Variants in RPL22 observed in about 807,000 individuals in gnomAD.
The protein encoded by RPL22 is ribosomal protein L22.
A neutral mutation model predicts 16.2 loss-of-function variants in RPL22; 4 were observed. That is an observed-to-expected ratio of 0.25 (90% CI 0.12 to 0.57). RPL22 has a LOEUF of 0.57. Ranked by LOEUF, RPL22 falls within the 20% of genes least tolerant of loss-of-function variation. The probability of loss-of-function intolerance (pLI) is 0.92; values close to 1 mark genes in which losing one functional copy is unlikely to be tolerated. For synonymous variants in RPL22, 43 were observed against 54.8 expected, an observed-to-expected ratio of 0.78 and a Z score of 0.95; for missense variants, 83 against 156.1, an observed-to-expected ratio of 0.53 and a Z score of 2.49.
rs1667573887 is a variant in RPL22, at chr1:6,185,626, T to C, written c.*1046A>G. ...GAATTTTAGACACCGTAAATTCTAA[T>C]GCAGACACTTTTGCATTACTGTTTG... On this transcript the variant is annotated 3_prime_UTR_variant, in exon 4 of 4. Coordinates refer to ENST00000234875, the MANE Select transcript of RPL22 (RefSeq NM_000983.4). 1.9e-5 allele frequency: 7 copies of C among 359,462 alleles called. No homozygotes were observed. In the Middle Eastern group the frequency reaches 2.1e-3, roughly 110 times the overall value. 22.3% of individuals were successfully genotyped at this position (359,462 alleles called of 1,614,324 possible). A position where few individuals can be genotyped will look rare whatever the true frequency, so the allele number is the denominator to read the frequency against.
At position 6,186,824 on chromosome 1, in the gene RPL22, G is replaced by C; in HGVS notation, c.243-8C>G. 1 of 1,613,132 alleles carries C rather than the reference G, an allele frequency of 6.2e-7. No homozygotes were observed. Among genetic ancestry groups the C allele is most frequent in the Non-Finnish European group, 8.5e-7 (1 of 1,179,680 alleles). On this transcript the variant is annotated splice_region_variant and splice_polypyrimidine_tract_variant and intron_variant, in intron 3 of 3. Transcript: ENST00000234875. Reference sequence around the variant, plus strand: ...GTGAGATATTTCAAATACCTGCAGAGAAAGGACACAAGAACTCCACTAGAC... The same window carrying C: ...GTGAGATATTTCAAATACCTGCAGACAAAGGACACAAGAACTCCACTAGAC...
intron 2 of RPL22, among the ~76,000 whole-genome samples, chr1:6,194,241 A>C (rs1013018237): frequency 1.3e-5 from 2 of 152,222 alleles, no homozygotes; most frequent in Non-Finnish European, 2.9e-5. Flanking sequence ...TACAAGGTAC[A>C]TGCAACCAAA....
intron 3 of RPL22, among the ~76,000 whole-genome samples, chr1:6,191,317 G>A (rs1248923218): frequency 2.3e-5 from 3 of 132,334 alleles, no homozygotes; most frequent in Admixed American, 1.8e-4. Flanking sequence ...CCAAGATCAC[G>A]CCACTGCACT....
intron 3 of RPL22, among the ~76,000 whole-genome samples, chr1:6,191,561 G>C (rs1369370180): frequency 6.6e-6 from 1 of 150,580 alleles, no homozygotes; most frequent in Non-Finnish European, 1.5e-5. Context: ...TGTAGTCCCA[G>C]CTACTCGGGA....
chr1:6,198,629 C>T (rs1667751059), intron 1 of RPL22: 1 of 152,236 alleles, frequency 6.6e-6, no homozygotes. Flanking sequence ...AGAACTTCAT[C>T]TAAAACTTGT....
rs796081884 is a variant in RPL22 at position 6,187,613 on chromosome 1, C to CAAAA, written c.243-801_243-798dup. On this transcript the variant is annotated intron_variant, in intron 3 of 3. Transcript: ENST00000234875. The stretch of plus-strand genomic sequence containing the variant: ...TGGGCGACAGAGCAAGACTCCATCT[C>CAAAA]AAAAAAAAAAAAACAAAAAAAAAAA... Among the ~76,000 whole-genome samples, 252 of 72,658 alleles carry CAAAA rather than the reference C, an allele frequency of 3.5e-3. 3 individuals are homozygous for CAAAA. The highest frequency in any genetic ancestry group is 9.3e-3 in the African/African-American group (242 of 25,988). 47.7% of individuals were successfully genotyped at this position (72,658 alleles called of 152,430 possible). A position where few individuals can be genotyped will look rare whatever the true frequency, so the allele number is the denominator to read the frequency against.
At chr1:6,199,242 A>C in intron 1 of RPL22, 3 of 385,724 alleles carry the variant, frequency 7.8e-6, no homozygotes, top group Non-Finnish European at 1.3e-5. Flanking sequence ...CCACCCAGGT[A>C]ATCAGGCCCC....
At chr1:6,192,907 A>G (rs748575507) in intron 3 of RPL22, 23 bp downstream of exon 3, 1 of 1,221,356 alleles carries the variant, frequency 8.2e-7, no homozygotes, top group Non-Finnish European at 1.0e-6. Flanking sequence ...CACGCAGGCC[A>G]CACACACACT....
intron 3 of RPL22, 83 bp downstream of exon 3, chr1:6,192,847 G>A (rs79951804): frequency 0.058 from 89,955 of 1,542,364 alleles, 4,094 homozygotes; most frequent in Admixed American, 0.17. Context: ...CAATCACTCT[G>A]CGGGTGCCCC....
intron 1 of RPL22, chr1:6,199,174 T>C (rs1317547071): frequency 4.4e-6 from 1 of 228,284 alleles, no homozygotes; most frequent in African/African-American, 2.3e-5. Flanking sequence ...GTCTTGGCCG[T>C]GGACTTCCGA....
chr1:6,191,394 G>A (rs1290330508), intron 3 of RPL22, among the ~76,000 whole-genome samples: 2 of 141,516 alleles, frequency 1.4e-5, no homozygotes, highest in African/African-American at 2.7e-5. Context: ...GAGGCCGGGC[G>A]CAGTGGCTCA....
At chr1:6,192,680 T>C (rs1667667233) in intron 3 of RPL22, among the ~76,000 whole-genome samples, 1 of 152,192 alleles carries the variant, frequency 6.6e-6, no homozygotes, top group Non-Finnish European at 1.5e-5. Context: ...GCCTGGGCGA[T>C]GGAGTGAGAC....
At chr1:6,196,410 G>T (rs1169436907) in intron 2 of RPL22, among the ~76,000 whole-genome samples, 1 of 152,216 alleles carries the variant, frequency 6.6e-6, no homozygotes, top group Non-Finnish European at 1.5e-5. Flanking sequence ...GAAGGACACA[G>T]ATGCAAACAG....
At chr1:6,191,762 C>G (rs1472172804) in intron 3 of RPL22, among the ~76,000 whole-genome samples, 1 of 151,836 alleles carries the variant, frequency 6.6e-6, no homozygotes, top group Non-Finnish European at 1.5e-5. Context: ...CTTTGGGAGG[C>G]TGAGGCAGAC....
intron 3 of RPL22, among the ~76,000 whole-genome samples, chr1:6,191,689 A>C (rs1320233247): frequency 1.3e-5 from 2 of 148,698 alleles, no homozygotes; most frequent in East Asian, 4.0e-4. Flanking sequence ...AAAAAAAAAA[A>C]AGAAATACAA....
Position 6,186,205 on chromosome 1 carries a change from A to T in RPL22, c.*467T>A, listed in dbSNP as rs1429225146. On this transcript the variant is annotated 3_prime_UTR_variant, in exon 4 of 4. Coordinates refer to ENST00000234875, the MANE Select transcript of RPL22 (RefSeq NM_000983.4). ...AAGAGAAATTTGTAATCAAAAAATG[A>T]AAGTAAGACGAATGGCCCAGAAACC... 2 of 236,504 alleles carry T rather than the reference A, an allele frequency of 8.5e-6. No homozygotes were observed. Among genetic ancestry groups the T allele is most frequent in the East Asian group, 1.2e-4 (2 of 16,582 alleles). 14.7% of individuals were successfully genotyped at this position (236,504 alleles called of 1,614,324 possible).
chr1:6,198,435 C>T (rs1020089285), intron 1 of RPL22: 5 of 152,336 alleles, frequency 3.3e-5, no homozygotes, highest in African/African-American at 1.2e-4. Flanking sequence ...CCCGGCAAAG[C>T]ACATCCTACA....
At chr1:6,193,132 C>A (rs771221257) in intron 2 of RPL22, 78 bp from the exon 3 acceptor site, 1 of 1,537,098 alleles carries the variant, frequency 6.5e-7, no homozygotes, top group South Asian at 1.1e-5. Flanking sequence ...TCTCCCAACA[C>A]TGAACTAATA....
intron 1 of RPL22, 88 bp from the exon 2 acceptor site, chr1:6,197,844 A>G (rs1667740653): frequency 5.2e-6 from 5 of 963,062 alleles, no homozygotes; most frequent in African/African-American, 3.2e-5. Context: ...CATAGGTATA[A>G]AAGTCCATAC....
Sources: gnomAD v4.1 joint callset for allele counts (sites outside exome capture counted in the v4.1 genomes callset) on GRCh38, gnomAD v4.1.1 for gene constraint, MANE v1.5 for transcripts, NCBI Gene and HGNC (gene_info 2026-07-23, HGNC 2026-07-21) for gene names.